Variants in PRKCH observed in about 807,000 individuals in gnomAD.
PRKCH encodes the protein protein kinase C eta.
In PRKCH, 28 loss-of-function variants were observed where a neutral mutation model predicts 82.5. The observed-to-expected ratio is 0.34, with a 90% CI of 0.25 to 0.47. The LOEUF is 0.47. Among genes scored for constraint, PRKCH ranks in the 20% least tolerant of loss-of-function variants. The probability of loss-of-function intolerance (pLI) is 1.00; values close to 1 mark genes in which losing one functional copy is unlikely to be tolerated. For synonymous variants in PRKCH, 322 were observed against 327.4 expected (o/e 0.98, Z 0.18); for missense variants, 705 against 881.8 (o/e 0.80, Z 2.54).
chr14:61,512,319 C>G (rs1319326831), intron 10 of PRKCH, among the ~76,000 whole-genome samples: 1 of 149,476 alleles, frequency 6.7e-6, no homozygotes, highest in African/African-American at 2.5e-5. Flanking sequence ...TTTCCACAGC[C>G]TCAGAGAGAA....
At chr14:61,425,721 A>T (rs973899325) in intron 2 of PRKCH, among the ~76,000 whole-genome samples, 1 of 152,190 alleles carries the variant, frequency 6.6e-6, no homozygotes, top group African/African-American at 2.4e-5. Context: ...ATGTGAAAAG[A>T]TATGAGATTT....
intron 1 of PRKCH, among the ~76,000 whole-genome samples, chr14:61,215,483 C>T (rs981681351): frequency 5.3e-5 from 8 of 152,152 alleles, no homozygotes; most frequent in African/African-American, 7.2e-5. Flanking sequence ...TCAAATTTGC[C>T]ACCCACAGTT....
chr14:61,496,670 C>T (rs2139941448), intron 10 of PRKCH, among the ~76,000 whole-genome samples: 1 of 152,324 alleles, frequency 6.6e-6, no homozygotes, highest in South Asian at 2.1e-4. Flanking sequence ...TTCATGAAGG[C>T]AGGGACTGTG....
intron 10 of PRKCH, among the ~76,000 whole-genome samples, chr14:61,506,957 C>CTAA (rs1302387850): frequency 6.6e-6 from 1 of 152,054 alleles, no homozygotes; most frequent in Non-Finnish European, 1.5e-5. Context: ...GTACATCAAA[C>CTAA]TAAAAAGCTG....
At chr14:61,472,082 C>T (rs925513830) in intron 9 of PRKCH, among the ~76,000 whole-genome samples, 3 of 152,114 alleles carry the variant, frequency 2.0e-5, no homozygotes. Flanking sequence ...AGCCCCTGAG[C>T]TCGGGGGAGA....
intron 9 of PRKCH, among the ~76,000 whole-genome samples, chr14:61,464,719 A>G (rs1204238310): frequency 6.6e-6 from 1 of 152,144 alleles, no homozygotes; most frequent in Non-Finnish European, 1.5e-5. Flanking sequence ...ACATGAGCTC[A>G]TTCTTTTTTA....
chr14:61,288,269 T>G (rs2045332352), intron 1 of PRKCH, among the ~76,000 whole-genome samples: 1 of 152,184 alleles, frequency 6.6e-6, no homozygotes, highest in South Asian at 2.1e-4. Flanking sequence ...TTAAATTTTA[T>G]TTTTTTGTAG....
Position 61,529,214 on chromosome 14 carries a change from G to A in PRKCH, c.1572+1G>A. ...CACGCCAGACTATATCGCTCCAGAG[G>A]TGAGTGCAGCTGCTTGATGCAGCTC... On this transcript the variant is annotated splice_donor_variant, in intron 11 of 13. Transcript: ENST00000332981. LOFTEE classifies it high-confidence loss of function. 6.2e-7 allele frequency: 1 copy of A among 1,610,342 alleles called. No individual in the cohort carries two copies. Among genetic ancestry groups the A allele is most frequent in the Non-Finnish European group, 8.5e-7 (1 of 1,177,924 alleles).
At chr14:61,517,369 A>T (rs1091680) in intron 10 of PRKCH, among the ~76,000 whole-genome samples, 1 of 152,102 alleles carries the variant, frequency 6.6e-6, no homozygotes, top group East Asian at 1.9e-4. Context: ...ATTTTCTGAC[A>T]ATCGAATGTC....
intron 1 of PRKCH, among the ~76,000 whole-genome samples, chr14:61,315,890 G>A (rs1430360977): frequency 4.0e-5 from 6 of 151,740 alleles, no homozygotes; most frequent in Non-Finnish European, 8.8e-5. Flanking sequence ...TGGGATTACA[G>A]GGACATACCA....
chr14:61,514,311 C>T (rs977448626), intron 10 of PRKCH, among the ~76,000 whole-genome samples: 1 of 91,752 alleles, frequency 1.1e-5, no homozygotes, highest in African/African-American at 3.4e-5. Flanking sequence ...TACTCTTCTC[C>T]TTTAAAAAAA....
intron 2 of PRKCH, among the ~76,000 whole-genome samples, chr14:61,433,092 C>T (rs1883500680): frequency 6.7e-6 from 1 of 148,804 alleles, no homozygotes; most frequent in South Asian, 2.1e-4. Flanking sequence ...AGGTTCAAAG[C>T]TCTCACCTTG....
chr14:61,324,204 G>A (rs2045666327), intron 1 of PRKCH, among the ~76,000 whole-genome samples: 1 of 152,222 alleles, frequency 6.6e-6, no homozygotes, highest in African/African-American at 2.4e-5. Context: ...TGTCATAAGT[G>A]TAGGAAGATC....
intron 4 of PRKCH, among the ~76,000 whole-genome samples, chr14:61,447,171 T>A (rs552421686): frequency 1.9e-4 from 29 of 152,294 alleles, no homozygotes; most frequent in Non-Finnish European, 1.6e-4. Context: ...GGGACAACAA[T>A]AAAGGGGTCA....
chr14:61,214,484 G>A (rs1469445921), intron 1 of PRKCH, among the ~76,000 whole-genome samples: 3 of 152,068 alleles, frequency 2.0e-5, no homozygotes, highest in Non-Finnish European at 4.4e-5. Flanking sequence ...GTTAATCTTG[G>A]TGGTTGTCTG....
intron 1 of PRKCH, among the ~76,000 whole-genome samples, chr14:61,373,737 A>T (rs2046393615): frequency 6.6e-6 from 1 of 152,030 alleles, no homozygotes; most frequent in Non-Finnish European, 1.5e-5. Flanking sequence ...AGTAGTTGGG[A>T]CTACAGGCAT....
At position 61,394,760 on chromosome 14, in the gene PRKCH, G is replaced by C. The variant is rs562799675; in HGVS notation, c.427+3472G>C. Among the ~76,000 whole-genome samples, 142 of 152,278 alleles carry C rather than the reference G, an allele frequency of 9.3e-4. 3 individuals carry two copies. The highest frequency in any genetic ancestry group is 2.4e-4 in the Non-Finnish European group (16 of 68,016). Reference sequence around the variant, plus strand: ...TCATACTAGAGGTGAGTTCTTACTAGGTCATTGCAGTTGTGTCTTTCAGAG... The same window carrying C: ...TCATACTAGAGGTGAGTTCTTACTACGTCATTGCAGTTGTGTCTTTCAGAG... On this transcript the variant is annotated intron_variant, in intron 2 of 13. Transcript: ENST00000332981.
At chr14:61,521,792 C>T (rs1436118584) in intron 10 of PRKCH, among the ~76,000 whole-genome samples, 2 of 152,094 alleles carry the variant, frequency 1.3e-5, no homozygotes, top group Non-Finnish European at 2.9e-5. Flanking sequence ...AAGATTTGGG[C>T]CCCACTCTCT....
At chr14:61,454,153 G>T (rs1448498952) in intron 7 of PRKCH, among the ~76,000 whole-genome samples, 2 of 150,080 alleles carry the variant, frequency 1.3e-5, no homozygotes, top group Non-Finnish European at 3.0e-5. Context: ...TTGTCACCCA[G>T]CCTGGAGTGC....
Sources: gnomAD v4.1 joint callset for allele counts (sites outside exome capture counted in the v4.1 genomes callset) on GRCh38, gnomAD v4.1.1 for gene constraint, MANE v1.5 for transcripts, NCBI Gene and HGNC (gene_info 2026-07-23, HGNC 2026-07-21) for gene names.